TASOR2: variants seen among roughly 807,000 people sequenced by gnomAD.
TASOR2 encodes transcription activation suppressor family member 2.
In TASOR2, 84 loss-of-function variants were observed where a neutral mutation model predicts 199.5. The ratio of observed to expected loss-of-function variants is 0.42; its 90% CI spans 0.35 to 0.50. The LOEUF (loss-of-function observed/expected upper bound fraction) is 0.50, where lower values mean the gene tolerates loss of function less well. TASOR2 is among the 20% of genes least tolerant of loss of function. The pLI is 0.02. For synonymous variants in TASOR2, 1,103 were observed against 1,046.6 expected, an observed-to-expected ratio of 1.05 and a Z score of -1.04; for missense variants, 2,796 against 2,835.9, an observed-to-expected ratio of 0.99 and a Z score of 0.32.
intron 1 of TASOR2, among the ~76,000 whole-genome samples, chr10:5,692,517 C>G (rs1339875764): frequency 6.6e-6 from 1 of 152,140 alleles, no homozygotes; most frequent in Non-Finnish European, 1.5e-5. Flanking sequence ...TCCGTTCTGA[C>G]GACTGAGCCC....
At chr10:5,726,144 G>A (rs58716278) in intron 8 of TASOR2, among the ~76,000 whole-genome samples, 1 of 152,262 alleles carries the variant, frequency 6.6e-6, no homozygotes, top group African/African-American at 2.4e-5. Flanking sequence ...TCTTTTATGT[G>A]TATATAGATT....
intron 11 of TASOR2, among the ~76,000 whole-genome samples, chr10:5,733,606 A>G (rs112290934): frequency 6.6e-6 from 1 of 152,236 alleles, no homozygotes; most frequent in African/African-American, 2.4e-5. Flanking sequence ...GTTACATGTA[A>G]ACAAAACAAT....
At chr10:5,718,777 AAG>A (rs201888589) in intron 3 of TASOR2, among the ~76,000 whole-genome samples, 3,624 of 151,324 alleles carry the variant, frequency 0.024, 55 homozygotes, top group South Asian at 0.036. Context: ...AAAAAAAAAA[AAG>A]TGGTGGGGGA....
In TASOR2 at chr10:5,748,253, C is replaced by A. The variant is rs1304688012; in HGVS notation, c.4832C>A (p.Pro1611His). 1 of 1,614,168 alleles carries A rather than the reference C, an allele frequency of 6.2e-7. No individual in the cohort carries two copies. Among genetic ancestry groups the A allele is most frequent in the Admixed American group, 1.7e-5 (1 of 60,022 alleles). The stretch of plus-strand genomic sequence containing the variant: ...GTGTCAGTAAAACAGCAGACTAGCC[C>A]TAAAAGCAGTCAGAACCATCTCTTT... Residue 1611 changes from proline (P) to histidine (H), a missense_variant, in exon 15 of 21, where the codon CCT becomes CAT. Coordinates refer to ENST00000328090, the Ensembl canonical transcript of TASOR2. The surrounding 1 kb of genome is among the most constrained non-coding windows in gnomAD (Gnocchi z 5.1).
intron 18 of TASOR2, 57 bp from the exon 20 acceptor site, chr10:5,761,233 A>G: frequency 6.8e-7 from 1 of 1,478,368 alleles, no homozygotes; most frequent in Non-Finnish European, 9.2e-7. Flanking sequence ...GAAGGCAAGA[A>G]AAAGTCCTAA....
intron 1 of TASOR2, among the ~76,000 whole-genome samples, chr10:5,697,770 C>G (rs1190678939): frequency 6.6e-6 from 1 of 152,162 alleles, no homozygotes; most frequent in Non-Finnish European, 1.5e-5. Context: ...TCCCTACACC[C>G]TGAATCTTCT....
Position 5,720,689 on chromosome 10 carries a change from T to C in TASOR2, c.26+21T>C. On this transcript the variant is annotated intron_variant, in intron 4 of 20. Transcript: ENST00000328090. This position sits in a 1 kb window ranked among gnomAD's most constrained non-coding sequence, Gnocchi z 5.3. ...AGCATGTAAGTAATTATGTGCATGC[T>C]TTGTTTTACTGAATTTGTTCCTTTT... 1 of 1,614,104 alleles carries C rather than the reference T, an allele frequency of 6.2e-7. No homozygotes were observed. The highest frequency in any genetic ancestry group is 2.2e-5 in the East Asian group (1 of 44,868).
At chr10:5,717,625 T>G in intron 2 of TASOR2, 34 bp from the exon 4 acceptor site, 1 of 945,554 alleles carries the variant, frequency 1.1e-6, no homozygotes, top group Non-Finnish European at 1.4e-6. Flanking sequence ...TGATGGGCAA[T>G]CTGCTGCTTA....
chr10:5,761,577 C>G (rs1839841021), intron 19 of TASOR2, 106 bp downstream of exon 20: 1 of 952,928 alleles, frequency 1.0e-6, no homozygotes, highest in African/African-American at 1.6e-5. Context: ...AATGGCTTGG[C>G]ATCCCATGGA....
At chr10:5,712,622 C>T in intron 1 of TASOR2, 1 of 1,130,928 alleles carries the variant, frequency 8.8e-7, no homozygotes, top group Non-Finnish European at 1.1e-6. Flanking sequence ...ATAAGCCTAG[C>T]ACTTTTTAGC....
At chr10:5,703,982 G>T (rs1051791914) in intron 1 of TASOR2, among the ~76,000 whole-genome samples, 3 of 151,920 alleles carry the variant, frequency 2.0e-5, no homozygotes, top group South Asian at 4.2e-4. Flanking sequence ...CAGCACTTTG[G>T]GGGGCCCAGG....
intron 1 of TASOR2, among the ~76,000 whole-genome samples, chr10:5,705,937 T>C (rs1235583721): frequency 6.6e-6 from 1 of 152,200 alleles, no homozygotes; most frequent in African/African-American, 2.4e-5. Flanking sequence ...AAACTTTATG[T>C]ACCCCATAGT....
At position 5,756,754 on chromosome 10, in the gene TASOR2, C is replaced by G. The variant is rs370212726; in HGVS notation, c.6732+16C>G. ...TTTGCATCAGGTCGGTTGGAAATACCTTACAAAGAAACGTATTCCAGGCAC... is the reference window on the plus strand; with the variant it reads ...TTTGCATCAGGTCGGTTGGAAATACGTTACAAAGAAACGTATTCCAGGCAC... On this transcript the variant is annotated intron_variant, in intron 16 of 20. Transcript: ENST00000328090. 1.4e-4 allele frequency: 218 copies of G among 1,608,576 alleles called. No homozygotes were observed. Among genetic ancestry groups the G allele is most frequent in the Non-Finnish European group, 1.8e-4 (209 of 1,177,956 alleles).
intron 2 of TASOR2, among the ~76,000 whole-genome samples, chr10:5,717,417 C>G (rs1331345580): frequency 3.9e-5 from 6 of 152,144 alleles, no homozygotes; most frequent in African/African-American, 1.2e-4. Context: ...AATTAGCGCT[C>G]TCTTCCACTG....
In TASOR2 at chr10:5,752,525, A is replaced by T. The variant is rs1838212165; in HGVS notation, c.6606+2498A>T. On this transcript the variant is annotated intron_variant, in intron 15 of 20. Coordinates refer to ENST00000328090, the Ensembl canonical transcript of TASOR2. The surrounding 1 kb of genome is among the most constrained non-coding windows in gnomAD (Gnocchi z 4.4). ...GACTTCACTTACATCACTTCTGCTG[A>T]TTTCCTGCGCTAACTCCAGAATGTC... Among the ~76,000 whole-genome samples the T allele has an allele frequency of 6.6e-6, 1 of 152,140 alleles. No individual in the cohort carries two copies. The highest frequency in any genetic ancestry group is 2.4e-5 in the African/African-American group (1 of 41,428).
Position 5,754,267 on chromosome 10 carries a change from G to A in TASOR2, c.6607-2346G>A, listed in dbSNP as rs1046724813. Among the ~76,000 whole-genome samples the A allele has an allele frequency of 2.6e-5, 4 of 152,232 alleles. No homozygotes were observed. Among genetic ancestry groups the A allele is most frequent in the Non-Finnish European group, 4.4e-5 (3 of 68,012 alleles). ...AAGCCACTGTGCTCCCAGCCTGCCC[G>A]ACAGAGTGAGACTCCACAACAGAGC... On this transcript the variant is annotated intron_variant, in intron 15 of 20. Coordinates refer to ENST00000328090, the Ensembl canonical transcript of TASOR2. This position sits in a 1 kb window ranked among gnomAD's most constrained non-coding sequence, Gnocchi z 4.3.
intron 1 of TASOR2, among the ~76,000 whole-genome samples, chr10:5,705,671 G>C (rs1019938740): frequency 6.6e-6 from 1 of 152,074 alleles, no homozygotes; most frequent in Non-Finnish European, 1.5e-5. Flanking sequence ...CATTCTACTG[G>C]AGCAGTAGTA....
Position 5,699,983 on chromosome 10 carries a change from G to C in TASOR2, c.-287-12840G>C, listed in dbSNP as rs1837600356. Among the ~76,000 whole-genome samples the C allele has an allele frequency of 1.3e-5, 2 of 152,008 alleles. No homozygotes were observed. Among genetic ancestry groups the C allele is most frequent in the South Asian group, 4.1e-4 (2 of 4,824 alleles). ...GAACCACTCAAATTCTATTCATTTT[G>C]AAATATATAATAGATTGTAAACTAC... On this transcript the variant is annotated intron_variant, in intron 1 of 20. Transcript: ENST00000328090. The surrounding 1 kb of genome is among the most constrained non-coding windows in gnomAD (Gnocchi z 4.1).
intron 1 of TASOR2, among the ~76,000 whole-genome samples, chr10:5,704,503 G>C (rs1364816409): frequency 6.6e-6 from 1 of 151,948 alleles, no homozygotes; most frequent in African/African-American, 2.4e-5. Flanking sequence ...TTGGTTTTCA[G>C]TGCCTTGTTT....
Sources: gnomAD v4.1 joint callset for allele counts (sites outside exome capture counted in the v4.1 genomes callset) on GRCh38, gnomAD v4.1.1 for gene constraint, Gnocchi (gnomAD v3.1) non-coding constraint, MANE v1.5 for transcripts, NCBI Gene and HGNC (gene_info 2026-07-23, HGNC 2026-07-21) for gene names.